Variants in CDH13 observed in about 807,000 individuals in gnomAD.
The protein encoded by CDH13 is cadherin 13, also known as cadherin-13.
A neutral mutation model predicts 63.8 loss-of-function variants in CDH13; 24 were observed. That is an observed-to-expected ratio of 0.38 (90% confidence interval 0.27 to 0.53). CDH13 has a LOEUF of 0.53. Ranked by LOEUF, CDH13 falls within the 20% of genes least tolerant of loss-of-function variation. The pLI, the probability that CDH13 is intolerant of heterozygous loss-of-function variation, is 0.85. For missense variants in CDH13, 1,049 were observed against 903.1 expected, an observed-to-expected ratio of 1.16 and a Z score of -2.07; for synonymous variants, 503 against 355.3, an observed-to-expected ratio of 1.42 and a Z score of -4.67.
chr16:82,787,491 A>G (rs2036075197), intron 1 of CDH13, among the ~76,000 whole-genome samples: 1 of 152,190 alleles, frequency 6.6e-6, no homozygotes. Context: ...TACTGTGTGC[A>G]AAAAAATGCT....
chr16:83,653,667 C>A (rs1912600488), intron 8 of CDH13, among the ~76,000 whole-genome samples: 1 of 152,166 alleles, frequency 6.6e-6, no homozygotes, highest in African/African-American at 2.4e-5. Flanking sequence ...AAGAATCAAT[C>A]TGTTGGGAAG....
chr16:82,994,824 C>A (rs907838233), intron 2 of CDH13, among the ~76,000 whole-genome samples: 1 of 152,124 alleles, frequency 6.6e-6, no homozygotes, highest in Non-Finnish European at 1.5e-5. Context: ...GGATTTCAGA[C>A]CACTATTAAT....
At chr16:83,302,916 A>T (rs2089783902) in intron 5 of CDH13, among the ~76,000 whole-genome samples, 1 of 152,218 alleles carries the variant, frequency 6.6e-6, no homozygotes, top group Non-Finnish European at 1.5e-5. Flanking sequence ...GAGGAAGGGC[A>T]GACTTCCAGG....
intron 6 of CDH13, among the ~76,000 whole-genome samples, chr16:83,474,843 C>T (rs2073560201): frequency 6.6e-6 from 1 of 152,158 alleles, no homozygotes; most frequent in African/African-American, 2.4e-5. Context: ...GACTTCTGCC[C>T]AGGTACATCT....
intron 2 of CDH13, among the ~76,000 whole-genome samples, chr16:82,931,059 G>A (rs1014897397): frequency 1.1e-4 from 17 of 152,166 alleles, no homozygotes; most frequent in Admixed American, 5.2e-4. Flanking sequence ...AACAAAGTAG[G>A]CACCATATCT....
intron 1 of CDH13, among the ~76,000 whole-genome samples, chr16:82,771,740 G>A (rs539460198): frequency 1.3e-5 from 2 of 152,308 alleles, no homozygotes; most frequent in South Asian, 2.1e-4. Context: ...GTGATGTATC[G>A]GAAAGGTTGC....
At chr16:83,179,576 C>G (rs190692669) in intron 4 of CDH13, among the ~76,000 whole-genome samples, 2 of 151,154 alleles carry the variant, frequency 1.3e-5, no homozygotes, top group African/African-American at 2.4e-5. Flanking sequence ...GGAGTGAACC[C>G]GGGAGGTGGA....
chr16:82,965,019 G>A (rs1307948363), intron 2 of CDH13, among the ~76,000 whole-genome samples: 2 of 152,306 alleles, frequency 1.3e-5, no homozygotes, highest in African/African-American at 4.8e-5. Context: ...TTTAGCAATC[G>A]CTGAGTACTG....
intron 6 of CDH13, among the ~76,000 whole-genome samples, chr16:83,350,710 A>G (rs2090935570): frequency 6.6e-6 from 1 of 152,168 alleles, no homozygotes. Flanking sequence ...TAAATCAGAA[A>G]GAAAATTGCG....
At chr16:83,649,314 G>A (rs1182382321) in intron 8 of CDH13, among the ~76,000 whole-genome samples, 1 of 152,168 alleles carries the variant, frequency 6.6e-6, no homozygotes. Context: ...TTCCTTGATT[G>A]CAAATAAATT....
intron 10 of CDH13, among the ~76,000 whole-genome samples, chr16:83,681,621 C>A (rs1567511980): frequency 6.6e-6 from 1 of 152,132 alleles, no homozygotes; most frequent in South Asian, 2.1e-4. Context: ...CCCTCCACCC[C>A]TCTCCTCTCC....
chr16:82,645,538 C>T (rs1335586621), intron 1 of CDH13, among the ~76,000 whole-genome samples: 1 of 152,030 alleles, frequency 6.6e-6, no homozygotes, highest in Non-Finnish European at 1.5e-5. Context: ...TGTTCAACAT[C>T]CTACAATGAA....
chr16:82,968,264 C>T lies in CDH13; in HGVS notation c.158-63746C>T, dbSNP rs193005844. 2.3e-3 allele frequency among the ~76,000 whole-genome samples: 351 copies of T among 152,274 alleles called. 1 individual carries two copies. The highest frequency in any genetic ancestry group is 3.9e-3 in the Non-Finnish European group (262 of 68,028). Reference sequence around the variant, plus strand: ...GTTTTTATATTCAAGTATCCTAGCACGTCAACTTTTATTGCTTCACTTAAA... The same window carrying T: ...GTTTTTATATTCAAGTATCCTAGCATGTCAACTTTTATTGCTTCACTTAAA... On this transcript the variant is annotated intron_variant, in intron 2 of 13. Coordinates refer to ENST00000567109, the MANE Select transcript of CDH13 (RefSeq NM_001257.5).
chr16:82,935,471 T>G (rs2042639057), intron 2 of CDH13, among the ~76,000 whole-genome samples: 1 of 152,228 alleles, frequency 6.6e-6, no homozygotes, highest in Non-Finnish European at 1.5e-5. Flanking sequence ...GGTCTCAAGA[T>G]CTGTGTGCTA....
intron 2 of CDH13, among the ~76,000 whole-genome samples, chr16:82,998,447 T>A (rs192569627): frequency 1.3e-5 from 2 of 152,200 alleles, no homozygotes; most frequent in African/African-American, 4.8e-5. Flanking sequence ...TGTAACTTTT[T>A]CTTTTTCTGG....
intron 2 of CDH13, among the ~76,000 whole-genome samples, chr16:82,871,804 C>G (rs1413552881): frequency 6.6e-6 from 1 of 152,140 alleles, no homozygotes; most frequent in African/African-American, 2.4e-5. Flanking sequence ...GCTTTGCTTT[C>G]TATAATATTG....
At chr16:83,368,034 T>C (rs371595302) in intron 6 of CDH13, among the ~76,000 whole-genome samples, 1 of 152,246 alleles carries the variant, frequency 6.6e-6, no homozygotes, top group Non-Finnish European at 1.5e-5. Flanking sequence ...TTTGATGATA[T>C]TGTAAATTGA....
chr16:83,417,482 CTCTTGCCT>C (rs1018451667), intron 6 of CDH13, among the ~76,000 whole-genome samples: 134 of 152,328 alleles, frequency 8.8e-4, no homozygotes, highest in African/African-American at 2.9e-3. Flanking sequence ...GGTCACCGTG[CTCTTGCCT>C]TCTTGCCTTC....
chr16:83,292,415 C>G (rs530586584), intron 5 of CDH13, among the ~76,000 whole-genome samples: 3 of 152,262 alleles, frequency 2.0e-5, no homozygotes, highest in African/African-American at 7.2e-5. Context: ...TTTGGTACCT[C>G]TGCTGTCCTG....
Sources: gnomAD v4.1 joint callset for allele counts (sites outside exome capture counted in the v4.1 genomes callset) on GRCh38, gnomAD v4.1.1 for gene constraint, MANE v1.5 for transcripts, NCBI Gene and HGNC (gene_info 2026-07-23, HGNC 2026-07-21) for gene names.